ANAPC10: variants seen among roughly 807,000 people sequenced by gnomAD.
ANAPC10 encodes the protein anaphase-promoting complex subunit 10.
In ANAPC10, 12 loss-of-function variants were observed where a neutral mutation model predicts 22.0. That is an observed-to-expected ratio of 0.55 (90% CI 0.35 to 0.88). The LOEUF is 0.88. Among genes scored for constraint, ANAPC10 ranks in the 40% least tolerant of loss-of-function variants. ANAPC10 has a pLI of 0.01. For synonymous variants in ANAPC10, 65 were observed against 69.5 expected, an observed-to-expected ratio of 0.94 and a Z score of 0.32; for missense variants, 188 against 220.9, an observed-to-expected ratio of 0.85 and a Z score of 0.94.
intron 3 of ANAPC10, among the ~76,000 whole-genome samples, chr4:145,073,527 A>T (rs962939549): frequency 1.3e-4 from 20 of 152,180 alleles, no homozygotes; most frequent in African/African-American, 4.6e-4. Context: ...TTACATCCAT[A>T]CATATATTGG....
intron 4 of ANAPC10, among the ~76,000 whole-genome samples, chr4:145,010,655 G>A (rs965134339): frequency 4.0e-5 from 6 of 151,852 alleles, no homozygotes; most frequent in African/African-American, 9.7e-5. Flanking sequence ...GGGGAACATC[G>A]CACCCTGGGG....
intron 4 of ANAPC10, among the ~76,000 whole-genome samples, chr4:145,010,367 C>G (rs143789228): frequency 3.3e-5 from 5 of 151,756 alleles, no homozygotes; most frequent in African/African-American, 1.2e-4. Flanking sequence ...TAAAGACACA[C>G]GCACACTTAT....
intron 4 of ANAPC10, among the ~76,000 whole-genome samples, chr4:145,006,710 T>C (rs1733426036): frequency 6.6e-6 from 1 of 152,180 alleles, no homozygotes; most frequent in Admixed American, 6.6e-5. Flanking sequence ...AATTTCATTA[T>C]TGCTAAATCC....
chr4:145,054,157 G>T (rs900699817), intron 4 of ANAPC10, among the ~76,000 whole-genome samples: 2 of 151,426 alleles, frequency 1.3e-5, no homozygotes, highest in Non-Finnish European at 2.9e-5. Context: ...TCTGCCCGCT[G>T]CGGCCTCCCA....
intron 4 of ANAPC10, among the ~76,000 whole-genome samples, chr4:145,020,412 G>A (rs1011678431): frequency 2.0e-5 from 3 of 151,752 alleles, no homozygotes; most frequent in Admixed American, 6.6e-5. Flanking sequence ...CAGCAAAATC[G>A]GCATAAAGGA....
intron 4 of ANAPC10, among the ~76,000 whole-genome samples, chr4:145,061,139 T>C (rs1742829540): frequency 6.6e-6 from 1 of 152,038 alleles, no homozygotes; most frequent in East Asian, 1.9e-4. Context: ...GGCTATGTGG[T>C]CACTAAATAG....
chr4:145,067,305 G>A (rs1376117758), intron 3 of ANAPC10, among the ~76,000 whole-genome samples: 2 of 152,108 alleles, frequency 1.3e-5, no homozygotes, highest in Non-Finnish European at 2.9e-5. Flanking sequence ...TCACTCCATA[G>A]TGAATGCTCA....
chr4:145,040,107 G>A (rs1243253987), intron 4 of ANAPC10, among the ~76,000 whole-genome samples: 1 of 141,182 alleles, frequency 7.1e-6, no homozygotes, highest in African/African-American at 2.6e-5. Context: ...ACTATTGTAT[G>A]CTTTTGTTTT....
At chr4:145,012,187 T>TAG (rs935717472) in intron 4 of ANAPC10, among the ~76,000 whole-genome samples, 10 of 148,128 alleles carry the variant, frequency 6.8e-5, no homozygotes, top group Non-Finnish European at 1.3e-4. Context: ...TATATATATA[T>TAG]ATATATATAC....
chr4:145,059,354 G>C (rs899555665), intron 4 of ANAPC10, among the ~76,000 whole-genome samples: 1 of 152,016 alleles, frequency 6.6e-6, no homozygotes, highest in African/African-American at 2.4e-5. Flanking sequence ...GAGAGCGAAA[G>C]GCCACATGAA....
intron 3 of ANAPC10, among the ~76,000 whole-genome samples, chr4:145,070,003 T>A (rs888913308): frequency 1.4e-4 from 21 of 152,056 alleles, no homozygotes; most frequent in African/African-American, 4.4e-4. Flanking sequence ...TTTTAGTGAA[T>A]AACTAAATAA....
rs35428482 is a variant in ANAPC10, at chr4:144,995,353, AT to A, written c.*19del. The stretch of plus-strand genomic sequence containing the variant: ...GGATAAAACAAAGATACGTTTAATG[AT>A]TTTCGTCTCATTTTAAAGTCACCTT... On this transcript the variant is annotated 3_prime_UTR_variant, in exon 5 of 5. Transcript: ENST00000507656. The A allele has an allele frequency of 0.065, 96,724 of 1,493,380 alleles. 3,756 individuals carry two copies. Among genetic ancestry groups the A allele is most frequent in the Non-Finnish European group, 0.074 (79,650 of 1,076,684 alleles). 92.5% of individuals were successfully genotyped at this position (1,493,380 alleles called of 1,614,324 possible). A position where few individuals can be genotyped will look rare whatever the true frequency, so the allele number is the denominator to read the frequency against.
rs572293988 is a variant in ANAPC10, at chr4:144,995,383, G to A, written c.548C>T (p.Ser183Leu). 146 of 1,605,398 alleles carry A rather than the reference G, an allele frequency of 9.1e-5. No individual in the cohort carries two copies. In the South Asian group the frequency reaches 1.4e-3, roughly 15 times the overall value. The stretch of plus-strand genomic sequence containing the variant: ...CGTCTCATTTTAAAGTCACCTTATT[G>A]AACGATACATCATGAAATCTATAGT... ...CTTIDFMMYR[S>L]IR is the part of the protein sequence containing the mutation. Residue 183 changes from serine (S) to leucine (L), a missense_variant, in exon 5 of 5, where the codon TCA (serine) becomes TTA (leucine). By Grantham distance (145) the Ser-to-Leu change is moderately radical (BLOSUM62 -2). Coordinates refer to ENST00000507656, the MANE Select transcript of ANAPC10 (RefSeq NM_001256706.2).
Position 145,015,060 on chromosome 4 carries a change from C to T in ANAPC10, c.328-19457G>A, listed in dbSNP as rs367961757. On this transcript the variant is annotated intron_variant, in intron 4 of 4. Transcript: ENST00000507656. Reference sequence around the variant, plus strand: ...CACCCCCCAAAAAATCATATTGGCTCACCAGCAGTGGATCCAAACCAAAAA... The same window carrying T: ...CACCCCCCAAAAAATCATATTGGCTTACCAGCAGTGGATCCAAACCAAAAA... Among the ~76,000 whole-genome samples the T allele has an allele frequency of 5.9e-5, 9 of 152,096 alleles. No homozygotes were observed. In the East Asian group the frequency reaches 7.8e-4, roughly 13 times the overall value.
chr4:145,052,115 G>T (rs1035129877), intron 4 of ANAPC10, among the ~76,000 whole-genome samples: 1 of 152,098 alleles, frequency 6.6e-6, no homozygotes, highest in Non-Finnish European at 1.5e-5. Context: ...GGAGTAAGGG[G>T]GACAGTTGGG....
At chr4:145,087,918 C>T (rs569464189) in intron 2 of ANAPC10, among the ~76,000 whole-genome samples, 18 of 151,934 alleles carry the variant, frequency 1.2e-4, no homozygotes, top group South Asian at 2.1e-4. Context: ...TGTGGTGGTG[C>T]GCACCTATAA....
At chr4:145,053,919 T>TG (rs1009087340) in intron 4 of ANAPC10, 98 of 327,754 alleles carry the variant, frequency 3.0e-4, no homozygotes, top group African/African-American at 1.0e-3. Flanking sequence ...TGTGTGTGTG[T>TG]TTTTTTTTTA....
intron 2 of ANAPC10, among the ~76,000 whole-genome samples, chr4:145,082,488 C>CTTGTGCTT: frequency 6.6e-6 from 1 of 152,290 alleles, no homozygotes; most frequent in African/African-American, 2.4e-5. Context: ...AACTCAGTTT[C>CTTGTGCTT]TTGTGCTTTT....
intron 2 of ANAPC10, among the ~76,000 whole-genome samples, chr4:145,092,591 C>T (rs543227489): frequency 6.6e-6 from 1 of 152,110 alleles, no homozygotes; most frequent in African/African-American, 2.4e-5. Context: ...CACTGAGAGC[C>T]CAAAACACAA....
Sources: allele counts gnomAD v4.1 joint callset (sites outside exome capture counted in the v4.1 genomes callset), GRCh38; gene constraint gnomAD v4.1.1; transcripts MANE v1.5; gene names NCBI Gene and HGNC (gene_info 2026-07-23, HGNC 2026-07-21).